Variants in LUZP2 observed in about 807,000 individuals in gnomAD.
LUZP2 encodes the protein leucine zipper protein 2.
In LUZP2, 52 loss-of-function variants were observed where a neutral mutation model predicts 51.6. That is an observed-to-expected ratio of 1.01 (90% CI 0.81 to 1.27). LUZP2 has a LOEUF of 1.27. Ranked by LOEUF, LUZP2 falls within the 50% of genes most tolerant of loss-of-function variation. LUZP2 has a pLI of 0.00. For missense variants in LUZP2, 436 were observed against 395.4 expected (o/e 1.10, Z -0.87); for synonymous variants, 154 against 137.3 (o/e 1.12, Z -0.85).
intron 5 of LUZP2, among the ~76,000 whole-genome samples, chr11:24,835,302 A>G (rs1431461904): frequency 6.6e-6 from 1 of 152,166 alleles, no homozygotes; most frequent in Non-Finnish European, 1.5e-5. Flanking sequence ...TTATACAAAA[A>G]CTAACTCAAG....
chr11:24,927,766 T>C (rs1248971954), intron 7 of LUZP2, among the ~76,000 whole-genome samples: 1 of 151,956 alleles, frequency 6.6e-6, no homozygotes, highest in African/African-American at 2.4e-5. Flanking sequence ...TTTTCTACTT[T>C]TGTGAAGAAT....
chr11:24,777,281 C>G (rs544659998), intron 5 of LUZP2, among the ~76,000 whole-genome samples: 210 of 152,098 alleles, frequency 1.4e-3, no homozygotes, highest in African/African-American at 4.8e-3. Flanking sequence ...GCTTGAGCCA[C>G]CGCGCCCGGC....
intron 7 of LUZP2, among the ~76,000 whole-genome samples, chr11:24,965,372 G>A (rs1470271561): frequency 2.0e-5 from 3 of 150,754 alleles, no homozygotes; most frequent in African/African-American, 7.3e-5. Flanking sequence ...AACTCTCTCT[G>A]CCAAGGGCCT....
At chr11:24,582,523 G>A (rs1295196749) in intron 1 of LUZP2, among the ~76,000 whole-genome samples, 1 of 151,862 alleles carries the variant, frequency 6.6e-6, no homozygotes. Context: ...TCTCAACTTT[G>A]TATTTATGTA....
At chr11:24,951,165 A>C (rs1323525317) in intron 7 of LUZP2, among the ~76,000 whole-genome samples, 1 of 151,604 alleles carries the variant, frequency 6.6e-6, no homozygotes, top group Admixed American at 6.6e-5. Flanking sequence ...TTAATTACTG[A>C]ATGCTGGGTA....
intron 8 of LUZP2, among the ~76,000 whole-genome samples, chr11:24,977,628 T>G (rs143865653): frequency 9.5e-4 from 144 of 151,840 alleles, no homozygotes; most frequent in African/African-American, 3.1e-3. Flanking sequence ...GCATTATATA[T>G]GTATACATGT....
chr11:24,743,643 A>T (rs1859270429), intron 4 of LUZP2, among the ~76,000 whole-genome samples: 3 of 152,068 alleles, frequency 2.0e-5, no homozygotes, highest in Admixed American at 2.0e-4. Flanking sequence ...AAACAATGAC[A>T]GTTTGACTTC....
At chr11:24,764,343 C>T (rs1019237399) in intron 5 of LUZP2, among the ~76,000 whole-genome samples, 1 of 151,684 alleles carries the variant, frequency 6.6e-6, no homozygotes, top group African/African-American at 2.4e-5. Context: ...TAGAATTCAA[C>T]TAAGGAGGAA....
intron 5 of LUZP2, among the ~76,000 whole-genome samples, chr11:24,819,988 G>A (rs566540668): frequency 6.6e-6 from 1 of 152,188 alleles, no homozygotes; most frequent in South Asian, 2.1e-4. Flanking sequence ...AAAGCTATAT[G>A]AAGGAGTCAT....
At chr11:24,517,128 T>C (rs772226060) in intron 1 of LUZP2, among the ~76,000 whole-genome samples, 13 of 152,120 alleles carry the variant, frequency 8.5e-5, no homozygotes, top group Non-Finnish European at 1.5e-4. Context: ...GAAATCTTAA[T>C]TGAAACATGA....
intron 9 of LUZP2, among the ~76,000 whole-genome samples, chr11:25,034,053 A>G (rs548691710): frequency 9.9e-4 from 150 of 152,278 alleles, no homozygotes; most frequent in Non-Finnish European, 1.9e-3. Flanking sequence ...CCAACAGTGT[A>G]TAAACATTCC....
intron 6 of LUZP2, among the ~76,000 whole-genome samples, chr11:24,906,340 C>A (rs113277659): frequency 1.9e-4 from 29 of 150,862 alleles, no homozygotes; most frequent in African/African-American, 6.8e-4. Context: ...TCCTTAATAG[C>A]AAATTACTGG....
intron 1 of LUZP2, among the ~76,000 whole-genome samples, chr11:24,680,902 A>G (rs2133868376): frequency 6.6e-6 from 1 of 152,268 alleles, no homozygotes; most frequent in Middle Eastern, 3.4e-3. Context: ...GGACTGCTGT[A>G]ACAACAACTG....
At chr11:24,742,875 G>C (rs1286208189) in intron 4 of LUZP2, among the ~76,000 whole-genome samples, 11 of 151,990 alleles carry the variant, frequency 7.2e-5, no homozygotes, top group Non-Finnish European at 1.3e-4. Flanking sequence ...TTTTGTATAA[G>C]GTGAGAGATG....
At chr11:24,533,900 C>CT (rs1267053123) in intron 1 of LUZP2, among the ~76,000 whole-genome samples, 3 of 151,260 alleles carry the variant, frequency 2.0e-5, no homozygotes, top group African/African-American at 7.3e-5. Context: ...GCTCCCTTCT[C>CT]TATCTCCTCA....
intron 5 of LUZP2, among the ~76,000 whole-genome samples, chr11:24,767,078 T>A (rs936430321): frequency 6.6e-6 from 1 of 152,190 alleles, no homozygotes; most frequent in Non-Finnish European, 1.5e-5. Flanking sequence ...TTTGTTATTT[T>A]TTTTATTTAT....
chr11:24,949,172 C>T (rs1382752763), intron 7 of LUZP2, among the ~76,000 whole-genome samples: 1 of 151,206 alleles, frequency 6.6e-6, no homozygotes, highest in Non-Finnish European at 1.5e-5. Flanking sequence ...AGGCAGGATG[C>T]AAAAAGGGTA....
At position 24,815,999 on chromosome 11, in the gene LUZP2, T is replaced by C. The variant is rs1309105058; in HGVS notation, c.396+52691T>C. Among the ~76,000 whole-genome samples the C allele has an allele frequency of 5.3e-4, 5 of 9,400 alleles. No homozygotes were observed. The Admixed American group carries it at 8.7e-3, about 16-fold the overall frequency. 6.2% of individuals were successfully genotyped at this position (9,400 alleles called of 152,430 possible). On this transcript the variant is annotated intron_variant, in intron 5 of 11. Coordinates refer to ENST00000336930, the MANE Select transcript of LUZP2 (RefSeq NM_001009909.4). ...CATCTCTTTCATCTCTTATCTTCTT[T>C]TTTTTTTAAAAAAAAAAAAAAAAGA...
At chr11:24,897,670 TC>T (rs1234517714) in intron 5 of LUZP2, among the ~76,000 whole-genome samples, 2 of 152,218 alleles carry the variant, frequency 1.3e-5, no homozygotes, top group East Asian at 3.8e-4. Flanking sequence ...ATTGTAACAC[TC>T]ACTGTGAGCG....
Sources: gnomAD v4.1 joint callset for allele counts (sites outside exome capture counted in the v4.1 genomes callset) on GRCh38, gnomAD v4.1.1 for gene constraint, MANE v1.5 for transcripts, NCBI Gene and HGNC (gene_info 2026-07-23, HGNC 2026-07-21) for gene names.